The following TACSTD2 variants were observed in gnomAD, a reference collection of about 807,000 sequenced individuals.
TACSTD2 encodes the protein tumor-associated calcium signal transducer 2.
A neutral mutation model predicts 7.9 loss-of-function variants in TACSTD2; 6 were observed. The ratio of observed to expected loss-of-function variants is 0.76; its 90% CI spans 0.42 to 1.50. The LOEUF (loss-of-function observed/expected upper bound fraction) is 1.50. Among genes scored for constraint, TACSTD2 ranks in the 40% most tolerant of loss-of-function variants. The pLI is 0.01. For synonymous variants in TACSTD2, 220 were observed against 225.5 expected (o/e 0.98, Z 0.22); for missense variants, 511 against 471.2 (o/e 1.08, Z -0.78).
In TACSTD2 at chr1:58,576,057, G is replaced by A; in HGVS notation, c.*128C>T. On this transcript the variant is annotated 3_prime_UTR_variant, in exon 1 of 1. Coordinates refer to ENST00000371225, the MANE Select transcript of TACSTD2 (RefSeq NM_002353.3). ...AAACCTGGTGTGTGCGCAAAAGGGA[G>A]GGGGAAGGCAGGAATTTGAAAGGAT... is the stretch of plus-strand genomic sequence containing the variant. The A allele has an allele frequency of 8.5e-7, 1 of 1,182,214 alleles. No homozygotes were observed. Among genetic ancestry groups the A allele is most frequent in the Non-Finnish European group, 1.2e-6 (1 of 856,310 alleles). 73.2% of individuals were successfully genotyped at this position (1,182,214 alleles called of 1,614,324 possible). A position where few individuals can be genotyped will look rare whatever the true frequency, so the allele number is the denominator to read the frequency against.
In TACSTD2 at chr1:58,576,989, G is replaced by A. The variant is rs765684645; in HGVS notation, c.168C>T (p.Arg56=). Residue 56 remains arginine (R), a synonymous_variant, in exon 1 of 1, where the codon CGC becomes CGT. Transcript: ENST00000371225. ...CGACCGCCATGCCCGAGCCCAGCGC[G>A]CGGCACTGGCAGCGGCCGCCGGGGC... ...PDGPGGRCQC[R]ALGSGMAVDC... 6.4e-7 allele frequency: 1 copy of A among 1,573,968 alleles called. No individual in the cohort carries two copies. The highest frequency in any genetic ancestry group is 1.8e-5 in the Admixed American group (1 of 56,348).
In TACSTD2 at chr1:58,577,008, C is replaced by T. The variant is rs868406650; in HGVS notation, c.149G>A (p.Gly50Asp). 1 of 1,562,440 alleles carries T rather than the reference C, an allele frequency of 6.4e-7. No individual in the cohort carries two copies. The highest frequency in any genetic ancestry group is 8.6e-7 in the Non-Finnish European group (1 of 1,157,324). ...CAGCGCGCGGCACTGGCAGCGGCCGCCGGGGCCGTCGGGGCTGCACACGGT... is the reference window on the plus strand; with the variant it reads ...CAGCGCGCGGCACTGGCAGCGGCCGTCGGGGCCGTCGGGGCTGCACACGGT... ...KMTVCSPDGP[G>D]GRCQCRALGS... The change falls in exon 1 of 1, where the codon GGC becomes GAC. Residue 50 changes from glycine to aspartate, a missense_variant. Transcript: ENST00000371225.
At position 58,575,929 on chromosome 1, in the gene TACSTD2, C is replaced by T. The variant is rs1320649298; in HGVS notation, c.*256G>A. Reference sequence around the variant, plus strand: ...TATGCCATCCCTTCCTTCACTGCCCCAGTCAGGTTTCCTGTTGTTGGACCG... The same window carrying T: ...TATGCCATCCCTTCCTTCACTGCCCTAGTCAGGTTTCCTGTTGTTGGACCG... On this transcript the variant is annotated 3_prime_UTR_variant, in exon 1 of 1. Coordinates refer to ENST00000371225, the MANE Select transcript of TACSTD2 (RefSeq NM_002353.3). 3 of 534,668 alleles carry T rather than the reference C, an allele frequency of 5.6e-6. No homozygotes were observed. The highest frequency in any genetic ancestry group is 9.9e-6 in the Non-Finnish European group (3 of 303,542). 33.1% of individuals were successfully genotyped at this position (534,668 alleles called of 1,614,324 possible).
At position 58,576,263 on chromosome 1, in the gene TACSTD2, G is replaced by T. The variant is rs764538485; in HGVS notation, c.894C>A (p.Thr298=). The T allele has an allele frequency of 6.2e-7, 1 of 1,613,988 alleles. No individual in the cohort carries two copies. Among genetic ancestry groups the T allele is most frequent in the Non-Finnish European group, 8.5e-7 (1 of 1,179,956 alleles). ...TGTACTTCCCCGACTTTCTCCGGTT[G>T]GTGATCACCAGGACGGCCATGCCGG... ...LVAGMAVLVI[T]NRRKSGKYKK... The change falls in exon 1 of 1, where the codon ACC becomes ACA. Residue 298 remains threonine, a synonymous_variant. Transcript: ENST00000371225.
chr1:58,576,136 A>G lies in TACSTD2; in HGVS notation c.*49T>C, dbSNP rs1569578256. On this transcript the variant is annotated 3_prime_UTR_variant, in exon 1 of 1. Transcript: ENST00000371225. ...GAAGCGTGACTCACTTGGGTCTGGG[A>G]CGATACCGAAATCCGGTACCCCACC... The G allele has an allele frequency of 2.5e-6, 4 of 1,597,248 alleles. No individual in the cohort carries two copies. The highest frequency in any genetic ancestry group is 3.4e-6 in the Non-Finnish European group (4 of 1,172,230).
In TACSTD2 at chr1:58,576,335, G is replaced by A; in HGVS notation, c.822C>T (p.Thr274=). 1 of 1,613,052 alleles carries A rather than the reference G, an allele frequency of 6.2e-7. No homozygotes were observed. The highest frequency in any genetic ancestry group is 8.5e-7 in the Non-Finnish European group (1 of 1,179,544). ...CCACGATGACGGCGATGAGGCCGGC[G>A]GTGAGGCGCTTCATGGAGAACTTCG... The part of the protein sequence containing the change: ...IPPKFSMKRL[T]AGLIAVIVVV... Residue 274 remains threonine (T), a synonymous_variant, in exon 1 of 1, where the codon ACC becomes ACT. Coordinates refer to ENST00000371225, the MANE Select transcript of TACSTD2 (RefSeq NM_002353.3).
In TACSTD2 at chr1:58,577,017, TCGGGGCTGC is replaced by T; in HGVS notation, c.131_139del (p.Cys44_Asp47delinsTyr). 6.4e-7 allele frequency: 1 copy of T among 1,557,760 alleles called. No homozygotes were observed. Among genetic ancestry groups the T allele is most frequent in the Non-Finnish European group, 8.7e-7 (1 of 1,155,170 alleles). Reference sequence around the variant, plus strand: ...GCACTGGCAGCGGCCGCCGGGGCCGTCGGGGCTGCACACGGTCATCTTGTTGGTGGGACA... The same window carrying T: ...GCACTGGCAGCGGCCGCCGGGGCCGTACACGGTCATCTTGTTGGTGGGACA... On this transcript the variant is annotated inframe_deletion, in exon 1 of 1. Coordinates refer to ENST00000371225, the MANE Select transcript of TACSTD2 (RefSeq NM_002353.3).
In TACSTD2 at chr1:58,575,626, G is replaced by A. The variant is rs1646875097; in HGVS notation, c.*559C>T. 1 of 152,966 alleles carries A rather than the reference G, an allele frequency of 6.5e-6. No homozygotes were observed. Among genetic ancestry groups the A allele is most frequent in the African/African-American group, 2.4e-5 (1 of 41,454 alleles). The allele number at this position is 152,966 out of a possible 1,614,324, so 9.5% of individuals were successfully genotyped here. ...CTCAAAGACATCCAAACTGCGTTCA[G>A]GCAGCTGAAACAGGCTTCTTTCCCA... On this transcript the variant is annotated 3_prime_UTR_variant, in exon 1 of 1. Transcript: ENST00000371225.
In TACSTD2 at chr1:58,576,089, C is replaced by A. The variant is rs1325782337; in HGVS notation, c.*96G>T. 8.3e-6 allele frequency: 12 copies of A among 1,446,548 alleles called. No homozygotes were observed. The highest frequency in any genetic ancestry group is 1.1e-5 in the Non-Finnish European group (12 of 1,075,566). The allele number at this position is 1,446,548 out of a possible 1,614,324, so 89.6% of individuals were successfully genotyped here. On this transcript the variant is annotated 3_prime_UTR_variant, in exon 1 of 1. Coordinates refer to ENST00000371225, the MANE Select transcript of TACSTD2 (RefSeq NM_002353.3). ...GGCAGGAATTTGAAAGGATAAACGT[C>A]TCCTTTGCGCCGAGGAATCAGGAAG...
Position 58,576,258 on chromosome 1 carries a change from C to T in TACSTD2, c.899G>A (p.Arg300Gln), listed in dbSNP as rs142263208. ...CTTCTTGTACTTCCCCGACTTTCTC[C>T]GGTTGGTGATCACCAGGACGGCCAT... ...AGMAVLVITN[R>Q]RKSGKYKKVE... is the part of the protein sequence containing the mutation. The change falls in exon 1 of 1, where the codon CGG (arginine) becomes CAG (glutamine). Residue 300 changes from arginine to glutamine, a missense_variant. Transcript: ENST00000371225. 483 of 1,613,982 alleles carry T rather than the reference C, an allele frequency of 3.0e-4. 5 individuals are homozygous for T. The African/African-American group carries it at 5.9e-3, about 20-fold the overall frequency.
chr1:58,576,746 G>T lies in TACSTD2; in HGVS notation c.411C>A (p.Asp137Glu). Residue 137 changes from aspartate (D) to glutamate (E), a missense_variant, in exon 1 of 1, where the codon GAC becomes GAA. Coordinates refer to ENST00000371225, the MANE Select transcript of TACSTD2 (RefSeq NM_002353.3). ...CGCAGCGTAGGCTCAGGTCGCCCTT[G>T]TCCGTGCGGCGCACGCCCACCGAGT... is the stretch of plus-strand genomic sequence containing the variant. ...CVNSVGVRRT[D>E]KGDLSLRCDE... The T allele has an allele frequency of 6.2e-7, 1 of 1,600,034 alleles. No homozygotes were observed. Among genetic ancestry groups the T allele is most frequent in the Non-Finnish European group, 8.5e-7 (1 of 1,179,128 alleles).
chr1:58,576,974 G>T lies in TACSTD2; in HGVS notation c.183C>A (p.Gly61=), dbSNP rs1425790206. The change falls in exon 1 of 1, where the codon GGC becomes GGA. Residue 61 remains glycine, a synonymous_variant. Coordinates refer to ENST00000371225, the MANE Select transcript of TACSTD2 (RefSeq NM_002353.3). Reference sequence around the variant, plus strand: ...TCAGCGTGGAGCAGTCGACCGCCATGCCCGAGCCCAGCGCGCGGCACTGGC... The same window carrying T: ...TCAGCGTGGAGCAGTCGACCGCCATTCCCGAGCCCAGCGCGCGGCACTGGC... ...GRCQCRALGS[G]MAVDCSTLTS... 6.3e-7 allele frequency: 1 copy of T among 1,578,580 alleles called. No homozygotes were observed. The highest frequency in any genetic ancestry group is 8.6e-7 in the Non-Finnish European group (1 of 1,166,042).
rs1646889247 is a variant in TACSTD2, at chr1:58,576,998, G to A, written c.159C>T (p.Cys53=). Residue 53 remains cysteine, a synonymous_variant, in exon 1 of 1, where the codon TGC becomes TGT. Transcript: ENST00000371225. ...TGCCCGAGCCCAGCGCGCGGCACTGGCAGCGGCCGCCGGGGCCGTCGGGGC... is the reference window on the plus strand; with the variant it reads ...TGCCCGAGCCCAGCGCGCGGCACTGACAGCGGCCGCCGGGGCCGTCGGGGC... ...VCSPDGPGGR[C]QCRALGSGMA... is the part of the protein sequence containing the mutation. 7.0e-6 allele frequency: 11 copies of A among 1,568,234 alleles called. No individual in the cohort carries two copies. Among genetic ancestry groups the A allele is most frequent in the Non-Finnish European group, 9.5e-6 (11 of 1,160,228 alleles).
chr1:58,576,324 A>G lies in TACSTD2; in HGVS notation c.833T>C (p.Ile278Thr), dbSNP rs1646880075. 2 of 1,613,392 alleles carry G rather than the reference A, an allele frequency of 1.2e-6. No individual in the cohort carries two copies. Among genetic ancestry groups the G allele is most frequent in the Non-Finnish European group, 1.7e-6 (2 of 1,179,682 alleles). The change falls in exon 1 of 1, where the codon ATC (isoleucine) becomes ACC (threonine). Residue 278 changes from isoleucine to threonine, a missense_variant. Ile to Thr is a moderately conservative substitution (Grantham distance 89, BLOSUM62 -1). Coordinates refer to ENST00000371225, the MANE Select transcript of TACSTD2 (RefSeq NM_002353.3). ...CACCACGACCACCACGATGACGGCG[A>G]TGAGGCCGGCGGTGAGGCGCTTCAT... is the stretch of plus-strand genomic sequence containing the variant. ...FSMKRLTAGL[I>T]AVIVVVVVAL...
rs1646879040 is a variant in TACSTD2 at position 58,576,208 on chromosome 1, A to G, written c.949T>C (p.Leu317=). 2.5e-6 allele frequency: 4 copies of G among 1,613,364 alleles called. No individual in the cohort carries two copies. The highest frequency in any genetic ancestry group is 3.4e-6 in the Non-Finnish European group (4 of 1,179,922). Residue 317 remains leucine (L), a synonymous_variant, in exon 1 of 1, where the codon TTG becomes CTG. Coordinates refer to ENST00000371225, the MANE Select transcript of TACSTD2 (RefSeq NM_002353.3). Reference sequence around the variant, plus strand: ...ACCTACAAGCTCGGTTCCTTTCTCAACTCCCCCAGTTCCTTGATCTCCACC... The same window carrying G: ...ACCTACAAGCTCGGTTCCTTTCTCAGCTCCCCCAGTTCCTTGATCTCCACC... ...KKVEIKELGE[L]RKEPSL is the part of the protein sequence containing the mutation.
Position 58,576,681 on chromosome 1 carries a change from C to T in TACSTD2, c.476G>A (p.Arg159His), listed in dbSNP as rs1164681807. The change falls in exon 1 of 1, where the codon CGC becomes CAC. Residue 159 changes from arginine (R) to histidine (H), a missense_variant. Coordinates refer to ENST00000371225, the MANE Select transcript of TACSTD2 (RefSeq NM_002353.3). Reference protein sequence around the residue: ...VRTHHILIDLRHRPTAGAFNH... With the variant: ...VRTHHILIDLHHRPTAGAFNH... ...GAAGGCGCCGGCGGTGGGGCGGTGG[C>T]GCAGGTCAATGAGGATGTGGTGGGT... The T allele has an allele frequency of 1.2e-6, 2 of 1,601,298 alleles. No homozygotes were observed. The highest frequency in any genetic ancestry group is 1.1e-5 in the South Asian group (1 of 90,816).
Position 58,576,362 on chromosome 1 carries a change from G to A in TACSTD2, c.795C>T (p.Pro265=), listed in dbSNP as rs201501593. Residue 265 remains proline (P), a synonymous_variant, in exon 1 of 1, where the codon CCC becomes CCT. Transcript: ENST00000371225. The stretch of plus-strand genomic sequence containing the variant: ...TGAGGCGCTTCATGGAGAACTTCGG[G>A]GGAATCTCGTCCAGGTAATAGATGA... ...RTLIYYLDEI[P]PKFSMKRLTA... 1.6e-5 allele frequency: 26 copies of A among 1,613,310 alleles called. No homozygotes were observed. The highest frequency in any genetic ancestry group is 1.8e-5 in the Non-Finnish European group (21 of 1,179,702).
In TACSTD2 at chr1:58,576,924, G is replaced by T. The variant is rs969895339; in HGVS notation, c.233C>A (p.Ala78Glu). Residue 78 changes from alanine (A) to glutamate (E), a missense_variant, in exon 1 of 1, where the codon GCG becomes GAG. By Grantham distance (107) the Ala-to-Glu change is moderately radical (BLOSUM62 -1). Transcript: ENST00000371225. Reference sequence around the variant, plus strand: ...GGCGTTCTTGGGGGCGCTCATGCGCGCCTTGAGCAGCAGACACTTGGAGGT... The same window carrying T: ...GGCGTTCTTGGGGGCGCTCATGCGCTCCTTGAGCAGCAGACACTTGGAGGT... ...TLTSKCLLLK[A>E]RMSAPKNART... The T allele has an allele frequency of 2.5e-6, 4 of 1,586,446 alleles. No individual in the cohort carries two copies. Among genetic ancestry groups the T allele is most frequent in the Non-Finnish European group, 3.4e-6 (4 of 1,172,736 alleles).
Position 58,576,618 on chromosome 1 carries a change from A to G in TACSTD2, c.539T>C (p.Phe180Ser). 6.2e-7 allele frequency: 1 copy of G among 1,611,350 alleles called. No individual in the cohort carries two copies. The highest frequency in any genetic ancestry group is 8.5e-7 in the Non-Finnish European group (1 of 1,179,196). ...GGGGTGCAGCCGATAGCGCTCGCGG[A>G]AGAGCCGCCTCAGCTCGGCGTCCAG... ...SDLDAELRRL[F>S]RERYRLHPKF... The change falls in exon 1 of 1, where the codon TTC (phenylalanine) becomes TCC (serine). Residue 180 changes from phenylalanine (F) to serine (S), a missense_variant. Transcript: ENST00000371225.
Sources: gnomAD v4.1 joint callset for allele counts on GRCh38, gnomAD v4.1.1 for gene constraint, MANE v1.5 for transcripts, NCBI Gene and HGNC (gene_info 2026-07-23, HGNC 2026-07-21) for gene names.